Variants in TMC2 observed in about 807,000 individuals in gnomAD.
TMC2 encodes transmembrane channel-like protein 2.
Under a neutral mutation model 105.9 loss-of-function variants are expected in TMC2, and 102 were observed. The ratio of observed to expected loss-of-function variants is 0.96; its 90% CI spans 0.82 to 1.14. TMC2 has a LOEUF of 1.14. Among genes scored for constraint, TMC2 ranks in the 50% most tolerant of loss-of-function variants. The pLI is 0.00. For synonymous variants in TMC2, 402 were observed against 422.8 expected, an observed-to-expected ratio of 0.95 and a Z score of 0.60; for missense variants, 1,093 against 1,134.3, an observed-to-expected ratio of 0.96 and a Z score of 0.52.
At chr20:2,627,157 G>A (rs2086570371) in intron 17 of TMC2, among the ~76,000 whole-genome samples, 1 of 152,180 alleles carries the variant, frequency 6.6e-6, no homozygotes, top group Admixed American at 6.5e-5. Context: ...AGAACAGCTT[G>A]CTGTTTACTC....
In TMC2 at chr20:2,643,026, T is replaced by G. The variant is rs1568535491; in HGVS notation, c.*1675T>G. 6.6e-6 allele frequency among the ~76,000 whole-genome samples: 1 copy of G among 152,116 alleles called. No homozygotes were observed. Among genetic ancestry groups the G allele is most frequent in the Non-Finnish European group, 1.5e-5 (1 of 68,022 alleles). ...AACTTCCCTCCCAAATCCCTTCCCT[T>G]CTCAATCCAGCACCAAAACTTCACA... is the stretch of plus-strand genomic sequence containing the variant. On this transcript the variant is annotated 3_prime_UTR_variant, in exon 20 of 20. Coordinates refer to ENST00000358864, the MANE Select transcript of TMC2 (RefSeq NM_080751.3).
intron 2 of TMC2, among the ~76,000 whole-genome samples, chr20:2,557,888 G>A (rs2085994436): frequency 6.6e-6 from 1 of 152,184 alleles, no homozygotes; most frequent in South Asian, 2.1e-4. Flanking sequence ...AGAGGGAGAA[G>A]AGATTTCTTT....
At chr20:2,603,372 T>C (rs2086365770) in intron 11 of TMC2, among the ~76,000 whole-genome samples, 1 of 152,006 alleles carries the variant, frequency 6.6e-6, no homozygotes, top group Non-Finnish European at 1.5e-5. Flanking sequence ...AAAAAGGAAA[T>C]ATGGCATTGA....
intron 14 of TMC2, chr20:2,613,579 A>G: frequency 2.3e-6 from 1 of 440,986 alleles, no homozygotes; most frequent in Non-Finnish European, 4.3e-6. Context: ...GCCTAGGGGA[A>G]AGTGGACCAC....
At chr20:2,552,216 C>G (rs1568502637) in intron 2 of TMC2, among the ~76,000 whole-genome samples, 1 of 152,192 alleles carries the variant, frequency 6.6e-6, no homozygotes, top group African/African-American at 2.4e-5. Context: ...TATATTCGTG[C>G]CATTGCACTC....
intron 17 of TMC2, among the ~76,000 whole-genome samples, chr20:2,629,567 G>T (rs1303206291): frequency 6.7e-6 from 1 of 149,168 alleles, no homozygotes; most frequent in Non-Finnish European, 1.5e-5. Context: ...AAAGGTGGTG[G>T]TGAATTTAGG....
At chr20:2,566,933 C>G (rs1019749661) in intron 4 of TMC2, among the ~76,000 whole-genome samples, 5 of 152,196 alleles carry the variant, frequency 3.3e-5, no homozygotes, top group Non-Finnish European at 7.4e-5. Flanking sequence ...AACTTTTGGA[C>G]AATAACTGTT....
At chr20:2,607,676 G>A (rs1461121333) in intron 11 of TMC2, among the ~76,000 whole-genome samples, 2 of 152,218 alleles carry the variant, frequency 1.3e-5, no homozygotes, top group East Asian at 3.8e-4. Flanking sequence ...CATGAACTCT[G>A]TAAGTACTTG....
rs57035040 is a variant in TMC2, at chr20:2,588,691, TTG to T, written c.835-3589_835-3588del. On this transcript the variant is annotated intron_variant, in intron 7 of 19. Transcript: ENST00000358864. ...TATGTGTGTGCCTTTGCATGTGTCT[TTG>T]TGTGTGTGTGTGTGTGTGTGTGTGT... is the stretch of plus-strand genomic sequence containing the variant. Among the ~76,000 whole-genome samples, 417 of 143,498 alleles carry T rather than the reference TTG, an allele frequency of 2.9e-3. 3 individuals carry two copies. The highest frequency in any genetic ancestry group is 4.1e-3 in the East Asian group (20 of 4,826). The allele number at this position is 143,498 out of a possible 152,430, so 94.1% of individuals were successfully genotyped here.
chr20:2,574,441 A>T (rs1349924476), intron 5 of TMC2, among the ~76,000 whole-genome samples: 1 of 152,240 alleles, frequency 6.6e-6, no homozygotes, highest in Non-Finnish European at 1.5e-5. Flanking sequence ...TATGCTGTAA[A>T]TCAGTTTTGG....
In TMC2 at chr20:2,629,933, T is replaced by C. The variant is rs184876469; in HGVS notation, c.2306+5537T>C. 2.0e-5 allele frequency among the ~76,000 whole-genome samples: 3 copies of C among 152,336 alleles called. No homozygotes were observed. The East Asian group carries it at 5.8e-4, about 29-fold the overall frequency. On this transcript the variant is annotated intron_variant, in intron 17 of 19. Coordinates refer to ENST00000358864, the MANE Select transcript of TMC2 (RefSeq NM_080751.3). Reference sequence around the variant, plus strand: ...CACAGAAAAAGACAGAATTTACTTGTTGTGATAAGGAATGTATTGTCTAGA... The same window carrying C: ...CACAGAAAAAGACAGAATTTACTTGCTGTGATAAGGAATGTATTGTCTAGA...
At chr20:2,600,697 G>C (rs1490744908) in intron 10 of TMC2, among the ~76,000 whole-genome samples, 1 of 152,170 alleles carries the variant, frequency 6.6e-6, no homozygotes, top group Non-Finnish European at 1.5e-5. Context: ...GGTGGCGGGT[G>C]CCTGTAGTTC....
chr20:2,566,975 C>T (rs539881946), intron 4 of TMC2, among the ~76,000 whole-genome samples: 1 of 152,342 alleles, frequency 6.6e-6, no homozygotes, highest in Admixed American at 6.5e-5. Flanking sequence ...AAAACAACAG[C>T]CCCCATTGCC....
At chr20:2,640,646 C>T (rs1359437202) in intron 19 of TMC2, among the ~76,000 whole-genome samples, 1 of 152,132 alleles carries the variant, frequency 6.6e-6, no homozygotes, top group Non-Finnish European at 1.5e-5. Flanking sequence ...CACAAGGGAA[C>T]CAGAGCCCAT....
chr20:2,575,468 A>G (rs928904729), intron 5 of TMC2, among the ~76,000 whole-genome samples: 1 of 152,156 alleles, frequency 6.6e-6, no homozygotes, highest in Non-Finnish European at 1.5e-5. Flanking sequence ...GTGCTAATCT[A>G]TTGGGTAAAA....
At chr20:2,549,267 G>A (rs1188779182) in intron 2 of TMC2, among the ~76,000 whole-genome samples, 1 of 152,078 alleles carries the variant, frequency 6.6e-6, no homozygotes, top group Non-Finnish European at 1.5e-5. Flanking sequence ...TGTTGCCCAG[G>A]ATGGTCCTGA....
chr20:2,610,574 C>T lies in TMC2; in HGVS notation c.1569C>T (p.Ala523=). 1 of 1,604,770 alleles carries T rather than the reference C, an allele frequency of 6.2e-7. No homozygotes were observed. Residue 523 remains alanine, a synonymous_variant, in exon 12 of 20, where the codon GCC becomes GCT. Coordinates refer to ENST00000358864, the MANE Select transcript of TMC2 (RefSeq NM_080751.3). The part of the protein sequence containing the change: ...FLGNLYTFLL[A]LMDDVHLKLA... ...GGAACCTCTACACATTTCTCTTGGC[C>T]CTGATGGATGACGTCCACCTCAAGG...
chr20:2,570,754 A>G (rs1377560581), intron 4 of TMC2, among the ~76,000 whole-genome samples: 2 of 152,218 alleles, frequency 1.3e-5, no homozygotes, highest in Admixed American at 6.5e-5. Flanking sequence ...AAACTATACT[A>G]TGAGGCTACA....
rs183319739 is a variant in TMC2, at chr20:2,618,836, G to A, written c.2180+1525G>A. The stretch of plus-strand genomic sequence containing the variant: ...AGAAATGCTCAATGCACACTCCTTT[G>A]TTAAAGGCTCTGAAGAATCATGCAA... On this transcript the variant is annotated intron_variant, in intron 16 of 19. Transcript: ENST00000358864. Among the ~76,000 whole-genome samples, 533 of 152,266 alleles carry A rather than the reference G, an allele frequency of 3.5e-3. 2 individuals carry two copies. Among genetic ancestry groups the A allele is most frequent in the Non-Finnish European group, 6.5e-3 (445 of 68,016 alleles).
Sources: allele counts gnomAD v4.1 joint callset (sites outside exome capture counted in the v4.1 genomes callset), GRCh38; gene constraint gnomAD v4.1.1; transcripts MANE v1.5; gene names NCBI Gene and HGNC (gene_info 2026-07-23, HGNC 2026-07-21).